The following ZDHHC11B variants were observed in gnomAD, a reference collection of about 807,000 sequenced individuals.
ZDHHC11B encodes zDHHC palmitoyltransferase 11B (putative).
In ZDHHC11B, 17 loss-of-function variants were observed where a neutral mutation model predicts 42.3. That is an observed-to-expected ratio of 0.40 (90% CI 0.27 to 0.60). The LOEUF (loss-of-function observed/expected upper bound fraction) is 0.60, where lower values mean the gene tolerates loss of function less well. ZDHHC11B is among the 20% of genes least tolerant of loss of function. The probability of loss-of-function intolerance (pLI) is 0.41; values close to 1 mark genes in which losing one functional copy is unlikely to be tolerated. For missense variants in ZDHHC11B, 262 were observed against 463.2 expected (o/e 0.57, Z 3.99); for synonymous variants, 123 against 193.5 (o/e 0.64, Z 3.02).
intron 12 of ZDHHC11B, among the ~76,000 whole-genome samples, chr5:719,390 C>A (rs1742015149): frequency 6.6e-6 from 1 of 151,584 alleles, no homozygotes; most frequent in Non-Finnish European, 1.5e-5. Context: ...CTTAAATATG[C>A]TCAGTAAACT....
intron 10 of ZDHHC11B, 109 bp from the exon 11 acceptor site, chr5:733,948 C>T: frequency 2.0e-6 from 2 of 999,714 alleles, no homozygotes; most frequent in East Asian, 2.6e-5. Flanking sequence ...GTGGGGCACA[C>T]ATGTCTCAAA....
At chr5:721,576 G>A (rs1317111096) in intron 12 of ZDHHC11B, among the ~76,000 whole-genome samples, 2 of 151,414 alleles carry the variant, frequency 1.3e-5, no homozygotes, top group Non-Finnish European at 2.9e-5. Context: ...GGGGTGGGAT[G>A]TGAGGTTAAG....
At chr5:767,595 C>T (rs1200923792) in intron 2 of ZDHHC11B, 71 bp from the exon 3 acceptor site, 1 of 1,173,980 alleles carries the variant, frequency 8.5e-7, no homozygotes, top group Non-Finnish European at 1.2e-6. Context: ...CCCCACCCCG[C>T]TTCTCCAGGG....
intron 9 of ZDHHC11B, among the ~76,000 whole-genome samples, chr5:744,374 G>T (rs1181067528): frequency 1.3e-5 from 2 of 149,438 alleles, no homozygotes; most frequent in Non-Finnish European, 3.0e-5. Flanking sequence ...CTGTGTGTAG[G>T]TTGTATTGTA....
chr5:749,048 AGGGTC>A (rs1745247487), intron 7 of ZDHHC11B, among the ~76,000 whole-genome samples: 1 of 95,500 alleles, frequency 1.0e-5, no homozygotes, highest in Admixed American at 1.3e-4. Context: ...ACTAAGTGCC[AGGGTC>A]ACAGTGCCCA....
chr5:730,829 A>G (rs1742966696), intron 11 of ZDHHC11B, among the ~76,000 whole-genome samples: 1 of 151,836 alleles, frequency 6.6e-6, no homozygotes, highest in African/African-American at 2.4e-5. Flanking sequence ...GGAGATTATA[A>G]CAAAGACACA....
intron 12 of ZDHHC11B, among the ~76,000 whole-genome samples, chr5:719,675 G>C (rs1742039298): frequency 6.6e-6 from 1 of 151,050 alleles, no homozygotes; most frequent in Admixed American, 6.6e-5. Flanking sequence ...TGAAAGGTTT[G>C]TTAGACACCA....
intron 1 of ZDHHC11B, among the ~76,000 whole-genome samples, chr5:775,723 G>T (rs1199091589): frequency 6.6e-6 from 1 of 151,824 alleles, no homozygotes; most frequent in Non-Finnish European, 1.5e-5. Flanking sequence ...AGTCCAACGT[G>T]CTGTGACTGC....
rs1265552849 is a variant in ZDHHC11B, at chr5:711,720, C to A, written c.*570G>T. 6.6e-6 allele frequency: 1 copy of A among 152,006 alleles called. No individual in the cohort carries two copies. The highest frequency in any genetic ancestry group is 1.4e-5 in the Non-Finnish European group (1 of 69,466). The allele number at this position is 152,006 out of a possible 1,614,324, so 9.4% of individuals were successfully genotyped here. On this transcript the variant is annotated 3_prime_UTR_variant, in exon 14 of 14. Coordinates refer to ENST00000508859, the MANE Select transcript of ZDHHC11B (RefSeq NM_001351303.2). ...TACTCTGTGCTCCCATTTCCCAGTA[C>A]TTTGTGCTCCCATTTCCCAGCACTG... is the stretch of plus-strand genomic sequence containing the variant.
intron 12 of ZDHHC11B, among the ~76,000 whole-genome samples, chr5:724,399 A>G (rs1579252651): frequency 2.5e-4 from 14 of 56,256 alleles, no homozygotes; most frequent in Admixed American, 5.1e-4. Context: ...TTTTTTTGAG[A>G]CAGTCTTGCT....
intron 1 of ZDHHC11B, among the ~76,000 whole-genome samples, chr5:777,193 C>T (rs1485238337): frequency 1.3e-5 from 2 of 151,892 alleles, no homozygotes; most frequent in African/African-American, 4.8e-5. Context: ...CGTGGTCTCG[C>T]TGACTTTAGG....
In ZDHHC11B at chr5:716,857, T is replaced by C; in HGVS notation, c.1067A>G (p.Gln356Arg). The C allele has an allele frequency of 6.2e-7, 1 of 1,613,096 alleles. No individual in the cohort carries two copies. The highest frequency in any genetic ancestry group is 8.5e-7 in the Non-Finnish European group (1 of 1,179,522). Reference sequence around the variant, plus strand: ...AGTTTTCATGGGCTCTGTTGTTTCTTGTTGCAGCCTGTTTGCAATATTCAG... The same window carrying C: ...AGTTTTCATGGGCTCTGTTGTTTCTCGTTGCAGCCTGTTTGCAATATTCAG... Reference protein sequence around the residue: ...APSTSTLGLQQETTEPMKTDS... With the variant: ...APSTSTLGLQRETTEPMKTDS... Residue 356 changes from glutamine (Q) to arginine (R), a missense_variant, in exon 13 of 14, where the codon CAA (glutamine) becomes CGA (arginine). By Grantham distance (43) the Gln-to-Arg change is conservative. Around this residue, in one of 5 missense-constraint regions of ZDHHC11B, gnomAD observed 75 missense variants for 70.1 expected, o/e 1.07. Coordinates refer to ENST00000508859, the MANE Select transcript of ZDHHC11B (RefSeq NM_001351303.2).
In ZDHHC11B at chr5:777,463, C is replaced by T. The variant is rs76536213; in HGVS notation, c.-230+7205G>A. ...TGGTGAGTGCTACAGCTCACAAAAG[C>T]GGCGCGCACCCAGACTGAGCGGCAA... On this transcript the variant is annotated intron_variant, in intron 1 of 13. Coordinates refer to ENST00000508859, the MANE Select transcript of ZDHHC11B (RefSeq NM_001351303.2). Among the ~76,000 whole-genome samples, 56 of 93,796 alleles carry T rather than the reference C, an allele frequency of 6.0e-4. 1 individual carries two copies. In the East Asian group the frequency reaches 0.019, roughly 31 times the overall value. The allele number at this position is 93,796 out of a possible 152,430, so 61.5% of individuals were successfully genotyped here.
In ZDHHC11B at chr5:775,325, G is replaced by A. The variant is rs1459384611; in HGVS notation, c.-229-6395C>T. On this transcript the variant is annotated intron_variant, in intron 1 of 13. Coordinates refer to ENST00000508859, the MANE Select transcript of ZDHHC11B (RefSeq NM_001351303.2). ...TGCCCATGGTGGGACAGTTGCTTGC[G>A]CCTCAGTCTCCTCATCCTTGAAGGG... 2.2e-4 allele frequency among the ~76,000 whole-genome samples: 33 copies of A among 151,980 alleles called. No individual in the cohort carries two copies. In the East Asian group the frequency reaches 2.9e-3, roughly 13 times the overall value.
chr5:759,865 T>C (rs369421317), intron 4 of ZDHHC11B, among the ~76,000 whole-genome samples: 5 of 151,850 alleles, frequency 3.3e-5, no homozygotes, highest in African/African-American at 1.2e-4. Flanking sequence ...AGGTGCCGGA[T>C]AGCACAGGCA....
intron 12 of ZDHHC11B, 73 bp from the exon 13 acceptor site, chr5:716,938 C>G: frequency 1.2e-6 from 2 of 1,603,376 alleles, no homozygotes; most frequent in Non-Finnish European, 1.7e-6. Flanking sequence ...CCAAAGTGCA[C>G]AAAATGTGTA....
intron 1 of ZDHHC11B, among the ~76,000 whole-genome samples, chr5:776,817 ATT>A (rs1030935146): frequency 4.6e-5 from 7 of 151,692 alleles, no homozygotes; most frequent in African/African-American, 1.7e-4. Flanking sequence ...CCCATTCCTT[ATT>A]TCAGAGCCCA....
chr5:777,502 G>C (rs998198471), intron 1 of ZDHHC11B, among the ~76,000 whole-genome samples: 1 of 151,890 alleles, frequency 6.6e-6, no homozygotes, highest in African/African-American at 2.4e-5. Flanking sequence ...TTATTGCTAA[G>C]AGCAAAAGAA....
At chr5:777,455 CA>C (rs1736608591) in intron 1 of ZDHHC11B, among the ~76,000 whole-genome samples, 1 of 123,072 alleles carries the variant, frequency 8.1e-6, no homozygotes, top group African/African-American at 2.9e-5. Flanking sequence ...TGCTACAGCT[CA>C]CAAAAGCGGC....
Sources: gnomAD v4.1 joint callset for allele counts (sites outside exome capture counted in the v4.1 genomes callset) on GRCh38, gnomAD v4.1.1 for gene constraint, gnomAD v4.1.1 regional missense constraint, MANE v1.5 for transcripts, NCBI Gene and HGNC (gene_info 2026-07-23, HGNC 2026-07-21) for gene names.